PLD5: variants seen among roughly 807,000 people sequenced by gnomAD.
PLD5 encodes inactive phospholipase D5.
PLD5 carries 36 observed loss-of-function variants against 61.1 expected under a neutral mutation model. That is an observed-to-expected ratio of 0.59 (90% CI 0.45 to 0.78). The LOEUF is 0.78. PLD5 is among the 30% of genes least tolerant of loss of function. PLD5 has a pLI of 0.00. For synonymous variants in PLD5, 243 were observed against 242.8 expected, an observed-to-expected ratio of 1.00 and a Z score of -0.01; for missense variants, 515 against 644.4, an observed-to-expected ratio of 0.80 and a Z score of 2.17.
intron 1 of PLD5, among the ~76,000 whole-genome samples, chr1:242,510,938 G>A (rs1668888045): frequency 6.6e-6 from 1 of 152,122 alleles, no homozygotes; most frequent in Non-Finnish European, 1.5e-5. Context: ...ATGTATTTCT[G>A]TTATTGGAGC....
intron 1 of PLD5, among the ~76,000 whole-genome samples, chr1:242,417,437 C>T (rs934080039): frequency 8.6e-5 from 13 of 151,344 alleles, no homozygotes; most frequent in African/African-American, 1.7e-4. Flanking sequence ...AAATTACCAC[C>T]CTTGTTCTAG....
chr1:242,375,712 T>C (rs1661910918), intron 1 of PLD5, among the ~76,000 whole-genome samples: 1 of 152,154 alleles, frequency 6.6e-6, no homozygotes, highest in Non-Finnish European at 1.5e-5. Flanking sequence ...CAGAGAACTA[T>C]AAACGGAAGG....
intron 1 of PLD5, among the ~76,000 whole-genome samples, chr1:242,433,167 T>TA (rs61502326): frequency 0.058 from 8,899 of 152,290 alleles, 847 homozygotes; most frequent in African/African-American, 0.2. Context: ...GATTCTTTCA[T>TA]AAACATAGCT....
chr1:242,280,464 C>T (rs1479507704), intron 3 of PLD5, among the ~76,000 whole-genome samples: 2 of 152,064 alleles, frequency 1.3e-5, no homozygotes, highest in African/African-American at 4.8e-5. Context: ...TCCCTATGTC[C>T]TCATTAAAAA....
Position 242,115,793 on chromosome 1 carries a change from A to G in PLD5, c.934-1767T>C, listed in dbSNP as rs969823022. Among the ~76,000 whole-genome samples, 12 of 152,348 alleles carry G rather than the reference A, an allele frequency of 7.9e-5. No individual in the cohort carries two copies. In the South Asian group the frequency reaches 1.7e-3, roughly 21 times the overall value. On this transcript the variant is annotated intron_variant, in intron 6 of 9. Transcript: ENST00000536534. ...GGGAGCTATTAAGATGCCGAAATTCAGCAGGAGAGCCAGAGAAGAAGGATG... is the reference window on the plus strand; with the variant it reads ...GGGAGCTATTAAGATGCCGAAATTCGGCAGGAGAGCCAGAGAAGAAGGATG...
At chr1:242,341,772 G>A (rs1326547655) in intron 2 of PLD5, among the ~76,000 whole-genome samples, 1 of 138,986 alleles carries the variant, frequency 7.2e-6, no homozygotes, top group African/African-American at 2.7e-5. Flanking sequence ...GGAATAATGG[G>A]GATTAGATAG....
intron 4 of PLD5, among the ~76,000 whole-genome samples, chr1:242,255,909 T>C (rs1371431300): frequency 6.6e-6 from 1 of 152,260 alleles, no homozygotes; most frequent in African/African-American, 2.4e-5. Flanking sequence ...ATTTTGACTT[T>C]AATGAATAAA....
At chr1:242,374,905 C>G (rs1394678406) in intron 1 of PLD5, among the ~76,000 whole-genome samples, 2 of 152,198 alleles carry the variant, frequency 1.3e-5, no homozygotes, top group Non-Finnish European at 2.9e-5. Context: ...ATGTCTTTCT[C>G]TAATTAATCT....
chr1:242,207,862 ATATATT>A (rs1558344215), intron 5 of PLD5, among the ~76,000 whole-genome samples: 3 of 37,872 alleles, frequency 7.9e-5, no homozygotes, highest in Admixed American at 5.4e-4. Flanking sequence ...TTATATATTT[ATATATT>A]TATATATATT....
At chr1:242,375,037 A>G (rs115838151) in intron 1 of PLD5, among the ~76,000 whole-genome samples, 322 of 152,240 alleles carry the variant, frequency 2.1e-3, no homozygotes, top group African/African-American at 7.5e-3. Context: ...ACAGTTTACA[A>G]TGCCATTTTG....
At chr1:242,502,916 C>T (rs1039745862) in intron 1 of PLD5, among the ~76,000 whole-genome samples, 2 of 152,034 alleles carry the variant, frequency 1.3e-5, no homozygotes, top group Admixed American at 6.6e-5. Context: ...CAAAAATTAG[C>T]CTGGCGTGGT....
Position 242,089,267 on chromosome 1 carries a change from A to C in PLD5, c.*587T>G, listed in dbSNP as rs1224104631. 4 of 398,846 alleles carry C rather than the reference A, an allele frequency of 1.0e-5. No individual in the cohort carries two copies. Among genetic ancestry groups the C allele is most frequent in the Non-Finnish European group, 1.8e-5 (4 of 226,384 alleles). 24.7% of individuals were successfully genotyped at this position (398,846 alleles called of 1,614,324 possible). On this transcript the variant is annotated 3_prime_UTR_variant, in exon 10 of 10. Transcript: ENST00000536534. The stretch of plus-strand genomic sequence containing the variant: ...TATATAATAGGAACATTTTGTGAGA[A>C]GAGAAAATGATACCAAATAAAACTT...
chr1:242,529,789 TC>T, the PLD5 span, among the ~76,000 whole-genome samples: 1 of 138,770 alleles, frequency 7.2e-6, no homozygotes, highest in Non-Finnish European at 1.6e-5. Flanking sequence ...CTTCCTTCCT[TC>T]CTTCCTTCCT....
At chr1:242,406,475 C>T (rs541096953) in intron 1 of PLD5, among the ~76,000 whole-genome samples, 2 of 152,324 alleles carry the variant, frequency 1.3e-5, no homozygotes, top group African/African-American at 4.8e-5. Context: ...CTATATACAA[C>T]CAGCAATTCT....
intron 4 of PLD5, among the ~76,000 whole-genome samples, chr1:242,261,035 G>A (rs1673347044): frequency 6.6e-6 from 1 of 152,170 alleles, no homozygotes; most frequent in Admixed American, 6.5e-5. Context: ...TGATAAGACG[G>A]TTCTAAAATT....
intron 1 of PLD5, among the ~76,000 whole-genome samples, chr1:242,373,563 A>G (rs536240320): frequency 2.0e-5 from 3 of 152,352 alleles, no homozygotes; most frequent in South Asian, 4.1e-4. Context: ...ATGTCCATCA[A>G]TGATAGACTG....
chr1:242,148,355 C>T (rs1195597523), intron 5 of PLD5, among the ~76,000 whole-genome samples: 2 of 150,988 alleles, frequency 1.3e-5, no homozygotes, highest in Non-Finnish European at 3.0e-5. Context: ...GGTCCATATG[C>T]CTATTCTTTC....
chr1:242,391,510 G>A (rs1325511983), intron 1 of PLD5, among the ~76,000 whole-genome samples: 5 of 152,124 alleles, frequency 3.3e-5, no homozygotes, highest in Non-Finnish European at 7.3e-5. Context: ...TTTATAGGAG[G>A]AGAGGGAGAC....
chr1:242,386,148 T>A (rs537844337), intron 1 of PLD5, among the ~76,000 whole-genome samples: 2 of 152,300 alleles, frequency 1.3e-5, no homozygotes, highest in South Asian at 2.1e-4. Flanking sequence ...ACTAGTCATA[T>A]TGGATTAGGG....
Sources: gnomAD v4.1 joint callset for allele counts (sites outside exome capture counted in the v4.1 genomes callset) on GRCh38, gnomAD v4.1.1 for gene constraint, MANE v1.5 for transcripts, NCBI Gene and HGNC (gene_info 2026-07-23, HGNC 2026-07-21) for gene names.